EBLN1: variants seen among roughly 807,000 people sequenced by gnomAD.
EBLN1 encodes the protein endogenous Bornavirus-like nucleoprotein 1.
EBLN1 carries 1 observed loss-of-function variant against 0.8 expected under a neutral mutation model. The observed-to-expected ratio is 1.32, with a 90% confidence interval of 0.47 to 6.26. The LOEUF (loss-of-function observed/expected upper bound fraction) is 6.26, where lower values mean the gene tolerates loss of function less well. EBLN1 is among the 30% of genes most tolerant of loss of function. The pLI, the probability that EBLN1 is intolerant of heterozygous loss-of-function variation, is 0.15. For synonymous variants in EBLN1, 158 were observed against 158.5 expected (o/e 1.00, Z 0.02); for missense variants, 396 against 447.9 (o/e 0.88, Z 1.05).
At chr10:22,214,265 G>T (rs1050801115) in intron 1 of EBLN1, among the ~76,000 whole-genome samples, 1 of 131,468 alleles carries the variant, frequency 7.6e-6, no homozygotes, top group Non-Finnish European at 1.6e-5. Context: ...CTCCACAGAG[G>T]AATAGTTTTT....
rs1167071071 is a variant in EBLN1, at chr10:22,209,101, G to T, written c.883C>A (p.Pro295Thr). The T allele has an allele frequency of 6.5e-7, 1 of 1,536,454 alleles. No homozygotes were observed. Among genetic ancestry groups the T allele is most frequent in the Non-Finnish European group, 8.7e-7 (1 of 1,146,906 alleles). ...LRHPVIGVLS[P>T]QMFPNLATAA... is the part of the protein sequence containing the mutation. ...GTTGCTAGGTTTGGGAACATTTGTGGTGATAGCACCCCAATAACAGGGTGG... is the reference window on the plus strand; with the variant it reads ...GTTGCTAGGTTTGGGAACATTTGTGTTGATAGCACCCCAATAACAGGGTGG... Residue 295 changes from proline (P) to threonine (T), a missense_variant, in exon 3 of 3, where the codon CCA becomes ACA. Transcript: ENST00000422359.
chr10:22,215,008 T>A (rs982417426), intron 1 of EBLN1, among the ~76,000 whole-genome samples: 13 of 152,200 alleles, frequency 8.5e-5, no homozygotes, highest in Non-Finnish European at 1.3e-4. Context: ...TCTTGAAAAC[T>A]TACGCTATGT....
At chr10:22,211,703 G>C (rs1834756581) in intron 2 of EBLN1, among the ~76,000 whole-genome samples, 1 of 151,932 alleles carries the variant, frequency 6.6e-6, no homozygotes, top group South Asian at 2.1e-4. Context: ...ACTTTGCCCA[G>C]GATGGTCTCG....
At position 22,209,649 on chromosome 10, in the gene EBLN1, T is replaced by G. The variant is rs566099768; in HGVS notation, c.335A>C (p.Glu112Ala). 4.2e-5 allele frequency: 64 copies of G among 1,535,904 alleles called. No homozygotes were observed. The highest frequency in any genetic ancestry group is 4.4e-5 in the Non-Finnish European group (51 of 1,146,938). The change falls in exon 3 of 3, where the codon GAA becomes GCA. Residue 112 changes from glutamate (E) to alanine (A), a missense_variant. Physicochemically the swap from Glu to Ala is moderately radical, Grantham distance 107. Transcript: ENST00000422359. ...TTTGCTAGCATAGAGAGTACCTGTT[T>G]CCTTGTTCTCATTCCCAATCACAAT... is the stretch of plus-strand genomic sequence containing the variant. ...SNIVIGNENK[E>A]TGTLYASKFE...
rs1359987499 is a variant in EBLN1, at chr10:22,208,909, C to T, written c.1075G>A (p.Gly359Ser). ...TATTCAAATCCCGAAATCCCATAAC[C>T]GCGAAGGATGTTAAGTGTATATGGA... ...MDPYTLNILR[G>S]YGISGFE Residue 359 changes from glycine (G) to serine (S), a missense_variant, in exon 3 of 3, where the codon GGT becomes AGT. Coordinates refer to ENST00000422359, the MANE Select transcript of EBLN1 (RefSeq NM_001394757.1). The T allele has an allele frequency of 3.9e-6, 6 of 1,531,222 alleles. No homozygotes were observed. The highest frequency in any genetic ancestry group is 4.9e-5 in the East Asian group (2 of 40,838). The allele number at this position is 1,531,222 out of a possible 1,614,324, so 94.9% of individuals were successfully genotyped here.
rs752742527 is a variant in EBLN1, at chr10:22,212,941, T to C, written c.-144A>G. Among the ~76,000 whole-genome samples the C allele has an allele frequency of 2.7e-5, 4 of 149,710 alleles. No individual in the cohort carries two copies. Among genetic ancestry groups the C allele is most frequent in the Admixed American group, 6.7e-5 (1 of 15,004 alleles). ...ATGATCATACCACTGCACTCCAGCC[T>C]GGCCAACAGAGTGAGATCCTGTCTC... On this transcript the variant is annotated 5_prime_UTR_variant, in exon 2 of 3. Transcript: ENST00000422359.
chr10:22,213,406 A>C (rs1445113428), intron 1 of EBLN1, among the ~76,000 whole-genome samples: 1 of 152,236 alleles, frequency 6.6e-6, no homozygotes, highest in African/African-American at 2.4e-5. Context: ...CAAATATATA[A>C]TAACAAGATC....
chr10:22,208,690 G>C lies in EBLN1; in HGVS notation c.*193C>G, dbSNP rs1350581041. 1.7e-6 allele frequency: 1 copy of C among 588,296 alleles called. No homozygotes were observed. Among genetic ancestry groups the C allele is most frequent in the Non-Finnish European group, 2.6e-6 (1 of 383,270 alleles). 36.4% of individuals were successfully genotyped at this position (588,296 alleles called of 1,614,324 possible). On this transcript the variant is annotated 3_prime_UTR_variant, in exon 3 of 3. Coordinates refer to ENST00000422359, the MANE Select transcript of EBLN1 (RefSeq NM_001394757.1). ...CTCCAGTACTTAAAAAGACTTTGGAGATCACATCTTTCAGTGGCCAGAGAA... is the reference window on the plus strand; with the variant it reads ...CTCCAGTACTTAAAAAGACTTTGGACATCACATCTTTCAGTGGCCAGAGAA...
At position 22,209,710 on chromosome 10, in the gene EBLN1, C is replaced by T. The variant is rs911827938; in HGVS notation, c.274G>A (p.Ala92Thr). ...LCFIFDGLHK[A>T]LLSVGVSKRS... ...TTGCTCACACCGACACTGAGTAGTG[C>T]CTTGTGTAATCCATCGAATATAAAA... Residue 92 changes from alanine (A) to threonine (T), a missense_variant, in exon 3 of 3, where the codon GCA becomes ACA. By Grantham distance (58) the Ala-to-Thr change is moderately conservative. Coordinates refer to ENST00000422359, the MANE Select transcript of EBLN1 (RefSeq NM_001394757.1). 5 of 1,535,866 alleles carry T rather than the reference C, an allele frequency of 3.3e-6. No individual in the cohort carries two copies. The African/African-American group carries it at 6.8e-5, about 21-fold the overall frequency.
rs1314162367 is a variant in EBLN1, at chr10:22,209,146, C to T, written c.838G>A (p.Glu280Lys). Residue 280 changes from glutamate (E) to lysine (K), a missense_variant, in exon 3 of 3, where the codon GAA becomes AAA. Physicochemically the swap from Glu to Lys is moderately conservative, Grantham distance 56 (BLOSUM62 1). Coordinates refer to ENST00000422359, the MANE Select transcript of EBLN1 (RefSeq NM_001394757.1). The part of the protein sequence containing the change: ...LAKKVLGDFF[E>K]FGGVLRHPVI... ...GGGTGGCGAAGTACACCCCCAAATT[C>T]AAAGAAATCTCCAAGTACCTTTTTA... is the stretch of plus-strand genomic sequence containing the variant. 1 of 1,535,890 alleles carries T rather than the reference C, an allele frequency of 6.5e-7. No individual in the cohort carries two copies. The highest frequency in any genetic ancestry group is 8.7e-7 in the Non-Finnish European group (1 of 1,146,918).
rs1159488894 is a variant in EBLN1 at position 22,209,008 on chromosome 10, G to A, written c.976C>T (p.Pro326Ser). ...FSGFEALDIIPGSTITFPVLQ... is the reference protein window; with the variant it reads ...FSGFEALDIISGSTITFPVLQ... Reference sequence around the variant, plus strand: ...ACAGGGAATGTAATAGTTGATCCTGGTATAATGTCAAGGGCTTCAAATCCA... The same window carrying A: ...ACAGGGAATGTAATAGTTGATCCTGATATAATGTCAAGGGCTTCAAATCCA... The change falls in exon 3 of 3, where the codon CCA becomes TCA. Residue 326 changes from proline to serine, a missense_variant. Transcript: ENST00000422359. 3.9e-6 allele frequency: 6 copies of A among 1,535,648 alleles called. No individual in the cohort carries two copies. In the Admixed American group the frequency reaches 1.2e-4, roughly 30 times the overall value.
At chr10:22,217,888 A>G (rs543601218) in intron 1 of EBLN1, among the ~76,000 whole-genome samples, 28 bp downstream of exon 1, 1 of 152,354 alleles carries the variant, frequency 6.6e-6, no homozygotes, top group South Asian at 2.1e-4. Context: ...TGAGTAATTT[A>G]TAAGGAAAGG....
Position 22,209,280 on chromosome 10 carries a change from A to ATC in EBLN1, c.702_703dup (p.Met235ArgfsTer2), listed in dbSNP as rs766070786. ...GAACATTCTCACAGTGTAGTAGGTC[A>ATC]TCATCTGTGCTTTGCTGGCAACTAC... On this transcript the variant is annotated frameshift_variant, in exon 3 of 3. Coordinates refer to ENST00000422359, the MANE Select transcript of EBLN1 (RefSeq NM_001394757.1). LOFTEE classifies it low-confidence loss of function (END_TRUNC). 6.9e-6 allele frequency: 11 copies of ATC among 1,589,864 alleles called. No homozygotes were observed. Among genetic ancestry groups the ATC allele is most frequent in the Non-Finnish European group, 9.4e-6 (11 of 1,175,290 alleles).
intron 1 of EBLN1, among the ~76,000 whole-genome samples, chr10:22,214,218 A>C (rs1383755047): frequency 1.3e-5 from 2 of 152,184 alleles, no homozygotes; most frequent in Non-Finnish European, 2.9e-5. Flanking sequence ...TAAATTATAG[A>C]AAAATTACAA....
At chr10:22,213,371 T>G (rs779874370) in intron 1 of EBLN1, among the ~76,000 whole-genome samples, 1 of 152,198 alleles carries the variant, frequency 6.6e-6, no homozygotes, top group African/African-American at 2.4e-5. Flanking sequence ...CTTTAATTCC[T>G]GTAGGAACAC....
At chr10:22,216,959 A>T (rs1215772136) in intron 1 of EBLN1, among the ~76,000 whole-genome samples, 2 of 152,210 alleles carry the variant, frequency 1.3e-5, no homozygotes, top group Non-Finnish European at 2.9e-5. Flanking sequence ...TTCAAGTCTA[A>T]AACACAAAAC....
In EBLN1 at chr10:22,209,857, C is replaced by A; in HGVS notation, c.127G>T (p.Ala43Ser). ...SGKSRQYPAD[A>S]LEPQPGIGDV... ...CCAATACCAGGTTGGGGCTCCAATG[C>A]ATCTGCTGGATACTGTCTGCTCTTC... The change falls in exon 3 of 3, where the codon GCA becomes TCA. Residue 43 changes from alanine (A) to serine (S), a missense_variant. By Grantham distance (99) the Ala-to-Ser change is moderately conservative (BLOSUM62 1). Transcript: ENST00000422359. 6.6e-7 allele frequency: 1 copy of A among 1,526,686 alleles called. No individual in the cohort carries two copies. The highest frequency in any genetic ancestry group is 1.2e-5 in the South Asian group (1 of 82,038). 94.6% of individuals were successfully genotyped at this position (1,526,686 alleles called of 1,614,324 possible).
Position 22,208,707 on chromosome 10 carries a change from G to A in EBLN1, c.*176C>T. On this transcript the variant is annotated 3_prime_UTR_variant, in exon 3 of 3. Transcript: ENST00000422359. Reference sequence around the variant, plus strand: ...ACTTTGGAGATCACATCTTTCAGTGGCCAGAGAATATTGGATGGACTCTTT... The same window carrying A: ...ACTTTGGAGATCACATCTTTCAGTGACCAGAGAATATTGGATGGACTCTTT... The A allele has an allele frequency of 1.4e-6, 1 of 695,446 alleles. No homozygotes were observed. Among genetic ancestry groups the A allele is most frequent in the Non-Finnish European group, 2.1e-6 (1 of 472,024 alleles). The allele number at this position is 695,446 out of a possible 1,614,324, so 43.1% of individuals were successfully genotyped here.
rs1240479810 is a variant in EBLN1, at chr10:22,208,839, A to T, written c.*44T>A. The T allele has an allele frequency of 6.9e-7, 1 of 1,447,284 alleles. No homozygotes were observed. Among genetic ancestry groups the T allele is most frequent in the African/African-American group, 1.4e-5 (1 of 69,920 alleles). 89.7% of individuals were successfully genotyped at this position (1,447,284 alleles called of 1,614,324 possible). ...CTATTTTAGAATGTGATTTTCACATAATTTCTTTTTATATGTATATATAAG... is the reference window on the plus strand; with the variant it reads ...CTATTTTAGAATGTGATTTTCACATTATTTCTTTTTATATGTATATATAAG... On this transcript the variant is annotated 3_prime_UTR_variant, in exon 3 of 3. Coordinates refer to ENST00000422359, the MANE Select transcript of EBLN1 (RefSeq NM_001394757.1).
Sources: allele counts gnomAD v4.1 joint callset (sites outside exome capture counted in the v4.1 genomes callset), GRCh38; gene constraint gnomAD v4.1.1; transcripts MANE v1.5; gene names NCBI Gene and HGNC (gene_info 2026-07-23, HGNC 2026-07-21).